MGAM2: variants seen among roughly 807,000 people sequenced by gnomAD.
MGAM2 encodes the protein maltase-glucoamylase 2 (putative).
Under a neutral mutation model 96.1 loss-of-function variants are expected in MGAM2, and 98 were observed. That is an observed-to-expected ratio of 1.02 (90% CI 0.87 to 1.21). The LOEUF (loss-of-function observed/expected upper bound fraction) is 1.21. Ranked by LOEUF, MGAM2 falls within the 50% of genes most tolerant of loss-of-function variation. The probability of loss-of-function intolerance (pLI) is 0.00; values close to 1 mark genes in which losing one functional copy is unlikely to be tolerated. For missense variants in MGAM2, 2,055 were observed against 1,182.4 expected, an observed-to-expected ratio of 1.74 and a Z score of -10.82; for synonymous variants, 749 against 414.8, an observed-to-expected ratio of 1.81 and a Z score of -9.79.
intron 12 of MGAM2, among the ~76,000 whole-genome samples, chr7:142,142,527 T>G (rs915603293): frequency 1.0e-4 from 14 of 137,876 alleles, no homozygotes; most frequent in Admixed American, 7.3e-4. Flanking sequence ...GGTGTGTGTT[T>G]TTTTTTTTTT....
At chr7:142,188,042 G>A (rs1215187538) in intron 36 of MGAM2, among the ~76,000 whole-genome samples, 1 of 151,040 alleles carries the variant, frequency 6.6e-6, no homozygotes, top group Non-Finnish European at 1.5e-5. Context: ...GAAACCAAAC[G>A]ATGCATGGTA....
Position 142,141,008 on chromosome 7 carries a change from ATTTC to A in MGAM2, c.1219-9_1219-6del. 1.4e-6 allele frequency: 1 copy of A among 694,218 alleles called. No individual in the cohort carries two copies. Among genetic ancestry groups the A allele is most frequent in the South Asian group, 1.5e-5 (1 of 64,640 alleles). 43.0% of individuals were successfully genotyped at this position (694,218 alleles called of 1,614,324 possible). On this transcript the variant is annotated splice_polypyrimidine_tract_variant and intron_variant, in intron 11 of 47. Transcript: ENST00000477922. ...TTTATGAAAATAATATTTATATCGT[ATTTC>A]TTTATTAGAATCCTGGCATCTCCAA...
chr7:142,199,235 TTAAAC>T (rs1315720422), intron 44 of MGAM2, among the ~76,000 whole-genome samples: 4 of 152,182 alleles, frequency 2.6e-5, no homozygotes, highest in Non-Finnish European at 4.4e-5. Flanking sequence ...AAATCATTGA[TTAAAC>T]AGAACACGTC....
intron 3 of MGAM2, among the ~76,000 whole-genome samples, chr7:142,124,375 G>A (rs1794679776): frequency 6.6e-6 from 1 of 151,832 alleles, no homozygotes; most frequent in African/African-American, 2.4e-5. Context: ...TGTAAATTAT[G>A]TCTTTATAGG....
chr7:142,141,023 T>G lies in MGAM2; in HGVS notation c.1221T>G (p.Asn407Lys). 1 of 697,114 alleles carries G rather than the reference T, an allele frequency of 1.4e-6. No homozygotes were observed. Among genetic ancestry groups the G allele is most frequent in the Non-Finnish European group, 2.6e-6 (1 of 383,464 alleles). The allele number at this position is 697,114 out of a possible 1,614,324, so 43.2% of individuals were successfully genotyped here. ...TTTATATCGTATTTCTTTATTAGAA[T>G]CCTGGCATCTCCAAAAACTCTAACT... ...DNGQKYLIIM[N>K]PGISKNSNYE... The change falls in exon 12 of 48, where the codon AAT (asparagine) becomes AAG (lysine). Residue 407 changes from asparagine to lysine, a missense_variant and splice_region_variant. Coordinates refer to ENST00000477922, the MANE Select transcript of MGAM2 (RefSeq NM_001293626.2).
intron 26 of MGAM2, among the ~76,000 whole-genome samples, chr7:142,169,539 A>G (rs1410173219): frequency 6.6e-6 from 1 of 152,108 alleles, no homozygotes; most frequent in Non-Finnish European, 1.5e-5. Context: ...CTTCCATAAC[A>G]TTTTTCACTC....
chr7:142,199,825 TA>T (rs1797163508), intron 44 of MGAM2, 54 bp from the exon 45 acceptor site: 2 of 645,954 alleles, frequency 3.1e-6, no homozygotes, highest in East Asian at 5.5e-5. Context: ...GTCTGTTCTT[TA>T]TTCTTACAAC....
chr7:142,140,073 T>C (rs1034371584), intron 10 of MGAM2, among the ~76,000 whole-genome samples: 6 of 152,158 alleles, frequency 3.9e-5, no homozygotes, highest in Non-Finnish European at 8.8e-5. Context: ...TACTGTATGA[T>C]ACTTGAGGAA....
chr7:142,171,515 G>C, intron 28 of MGAM2, 75 bp downstream of exon 28: 1 of 643,598 alleles, frequency 1.6e-6, no homozygotes, highest in South Asian at 1.7e-5. Flanking sequence ...GCTTATATAT[G>C]ATACCTTGCT....
chr7:142,185,843 C>T, intron 34 of MGAM2, 146 bp from the exon 35 acceptor site: 1 of 508,618 alleles, frequency 2.0e-6, no homozygotes, highest in Non-Finnish European at 3.5e-6. Context: ...CCAATCTCTG[C>T]TTCTGTTGTA....
intron 36 of MGAM2, among the ~76,000 whole-genome samples, 184 bp from the exon 37 acceptor site, chr7:142,189,183 T>A (rs1454132256): frequency 6.6e-6 from 1 of 152,214 alleles, no homozygotes; most frequent in East Asian, 1.9e-4. Context: ...CCATATTTTA[T>A]CCTTACCCTT....
At chr7:142,181,849 A>G (rs1350403091) in intron 32 of MGAM2, among the ~76,000 whole-genome samples, 1 of 152,196 alleles carries the variant, frequency 6.6e-6, no homozygotes, top group Middle Eastern at 3.2e-3. Flanking sequence ...TCTGCACAGC[A>G]AATGGCTTTG....
intron 32 of MGAM2, among the ~76,000 whole-genome samples, chr7:142,176,278 A>G (rs1285794980): frequency 6.6e-6 from 1 of 152,222 alleles, no homozygotes; most frequent in Non-Finnish European, 1.5e-5. Context: ...GTTAAGATCC[A>G]GAATACCAAT....
intron 23 of MGAM2, among the ~76,000 whole-genome samples, chr7:142,164,626 A>G (rs960419379): frequency 1.3e-5 from 2 of 152,186 alleles, no homozygotes; most frequent in Admixed American, 1.3e-4. Flanking sequence ...GATTAATAGA[A>G]TCAGTAAAGA....
intron 14 of MGAM2, among the ~76,000 whole-genome samples, chr7:142,147,066 A>G (rs1286000679): frequency 6.6e-6 from 1 of 152,198 alleles, no homozygotes; most frequent in Non-Finnish European, 1.5e-5. Flanking sequence ...TATAAAAAAG[A>G]AAAAGTTCCC....
chr7:142,196,912 C>G, intron 40 of MGAM2, 96 bp downstream of exon 40: 1 of 623,572 alleles, frequency 1.6e-6, no homozygotes, highest in Non-Finnish European at 2.9e-6. Context: ...TGAGAAAAAT[C>G]AAAAAACATC....
intron 46 of MGAM2, among the ~76,000 whole-genome samples, chr7:142,210,451 G>A (rs1433486573): frequency 6.6e-6 from 1 of 152,124 alleles, no homozygotes; most frequent in Non-Finnish European, 1.5e-5. Flanking sequence ...TGAAATACTC[G>A]CCGCCAGCAC....
chr7:142,178,881 A>G (rs1585192166), intron 32 of MGAM2, among the ~76,000 whole-genome samples: 1 of 152,016 alleles, frequency 6.6e-6, no homozygotes, highest in East Asian at 1.9e-4. Flanking sequence ...TAATGATGTT[A>G]ATTCTTCCAG....
rs1797869980 is a variant in MGAM2, at chr7:142,219,993, C to T, written c.5482C>T (p.His1828Tyr). Reference sequence around the variant, plus strand: ...GACAAGTACCATCCCAATGAGTTCTCATCCTTCTCCATCTACTACCAATGC... The same window carrying T: ...GACAAGTACCATCCCAATGAGTTCTTATCCTTCTCCATCTACTACCAATGC... ...TKTSTIPMSS[H>Y]PSPSTTNATS... The change falls in exon 48 of 48, where the codon CAT (histidine) becomes TAT (tyrosine). Residue 1828 changes from histidine to tyrosine, a missense_variant. Transcript: ENST00000477922. The T allele has an allele frequency of 1.4e-6, 1 of 702,900 alleles. No homozygotes were observed. The highest frequency in any genetic ancestry group is 2.7e-5 in the East Asian group (1 of 37,280). The allele number at this position is 702,900 out of a possible 1,614,324, so 43.5% of individuals were successfully genotyped here. A position where few individuals can be genotyped will look rare whatever the true frequency, so the allele number is the denominator to read the frequency against.
Sources: allele counts gnomAD v4.1 joint callset (sites outside exome capture counted in the v4.1 genomes callset), GRCh38; gene constraint gnomAD v4.1.1; transcripts MANE v1.5; gene names NCBI Gene and HGNC (gene_info 2026-07-23, HGNC 2026-07-21).